The following ANKFN1 variants were observed in gnomAD, a reference collection of about 807,000 sequenced individuals.
ANKFN1 encodes the protein ankyrin repeat and fibronectin type-III domain-containing protein 1.
In ANKFN1, 74 loss-of-function variants were observed where a neutral mutation model predicts 108.7. The ratio of observed to expected loss-of-function variants is 0.68; its 90% CI spans 0.56 to 0.83. The LOEUF (loss-of-function observed/expected upper bound fraction) is 0.83. Ranked by LOEUF, ANKFN1 falls within the 40% of genes least tolerant of loss-of-function variation. The probability of loss-of-function intolerance (pLI) is 0.00; values close to 1 mark genes in which losing one functional copy is unlikely to be tolerated. For missense variants in ANKFN1, 1,505 were observed against 1,382.3 expected, an observed-to-expected ratio of 1.09 and a Z score of -1.41; for synonymous variants, 547 against 516.2, an observed-to-expected ratio of 1.06 and a Z score of -0.81.
chr17:56,152,804 T>G (rs1157179543), upstream of ANKFN1, among the ~76,000 whole-genome samples: 1 of 152,226 alleles, frequency 6.6e-6, no homozygotes, highest in African/African-American at 2.4e-5. Flanking sequence ...GCACATAATG[T>G]GCCTCCTTTG....
At chr17:56,168,860 G>A (rs1054041311) in intron 1 of ANKFN1, among the ~76,000 whole-genome samples, 1 of 152,222 alleles carries the variant, frequency 6.6e-6, no homozygotes, top group Non-Finnish European at 1.5e-5. Context: ...TGGAAAGGGA[G>A]GTTGAGGAGT....
chr17:56,379,267 C>T (rs1025526993), intron 8 of ANKFN1, among the ~76,000 whole-genome samples: 13 of 151,900 alleles, frequency 8.6e-5, no homozygotes, highest in South Asian at 2.1e-4. Flanking sequence ...GGCATGGTGG[C>T]GGGCGCCTGT....
chr17:56,303,851 A>ATTTTTTTTTTTTTT (rs34077118), intron 3 of ANKFN1, among the ~76,000 whole-genome samples: 1 of 131,940 alleles, frequency 7.6e-6, no homozygotes, highest in Non-Finnish European at 1.6e-5. Flanking sequence ...CGCTGAGCCA[A>ATTTTTTTTTTTTTT]TTTTTTTTTT....
intron 1 of ANKFN1, among the ~76,000 whole-genome samples, 116 bp from the exon 2 acceptor site, chr17:56,212,482 A>T (rs1270260597): frequency 1.3e-5 from 2 of 151,870 alleles, no homozygotes; most frequent in Non-Finnish European, 2.9e-5. Flanking sequence ...TTCAACAGGG[A>T]TATTGGTCTG....
intron 4 of ANKFN1, among the ~76,000 whole-genome samples, chr17:56,067,935 C>T (rs1001226607): frequency 4.6e-5 from 7 of 152,120 alleles, no homozygotes; most frequent in South Asian, 2.1e-4. Context: ...TGGAATTTCT[C>T]GTCACTTCCA....
intron 4 of ANKFN1, among the ~76,000 whole-genome samples, chr17:56,136,751 C>A (rs1396328828): frequency 5.3e-5 from 8 of 152,146 alleles, no homozygotes; most frequent in Non-Finnish European, 1.2e-4. Flanking sequence ...ATGCAACCTT[C>A]TAGATATTTC....
chr17:56,113,940 T>C (rs1182548216), intron 4 of ANKFN1, among the ~76,000 whole-genome samples: 1 of 152,160 alleles, frequency 6.6e-6, no homozygotes, highest in Non-Finnish European at 1.5e-5. Context: ...ATCTTCTAAT[T>C]GCAAACTAAT....
At chr17:56,472,566 T>C (rs1011871221) in intron 15 of ANKFN1, 33 of 152,182 alleles carry the variant, frequency 2.2e-4, no homozygotes, top group African/African-American at 7.7e-4. Flanking sequence ...AATGAATAAT[T>C]TTTTCAGTGT....
At chr17:56,276,287 C>T (rs905762240) in intron 3 of ANKFN1, among the ~76,000 whole-genome samples, 10 of 152,136 alleles carry the variant, frequency 6.6e-5, no homozygotes, top group Admixed American at 3.9e-4. Context: ...GGTTCCAAGT[C>T]TTTGCTATTG....
At chr17:56,398,515 C>T (rs2047654581) in intron 8 of ANKFN1, among the ~76,000 whole-genome samples, 1 of 152,120 alleles carries the variant, frequency 6.6e-6, no homozygotes, top group South Asian at 2.1e-4. Flanking sequence ...TCTCAGGTCT[C>T]CTTCTATAGC....
chr17:56,515,363 CTAAA>C lies in ANKFN1; in HGVS notation c.*4097_*4100del, dbSNP rs1193336535. The stretch of plus-strand genomic sequence containing the variant: ...CTGTTGCATGGTCACTTTACAAAGT[CTAAA>C]TATTTTTCCAGATGATTTAATGAAG... On this transcript the variant is annotated 3_prime_UTR_variant, in exon 21 of 21. Coordinates refer to ENST00000682825, the MANE Select transcript of ANKFN1 (RefSeq NM_001370326.1). Among the ~76,000 whole-genome samples the C allele has an allele frequency of 6.6e-6, 1 of 152,170 alleles. No individual in the cohort carries two copies. The highest frequency in any genetic ancestry group is 1.5e-5 in the Non-Finnish European group (1 of 68,030).
intron 3 of ANKFN1, among the ~76,000 whole-genome samples, chr17:56,322,213 T>G (rs2045391668): frequency 6.6e-6 from 1 of 152,248 alleles, no homozygotes; most frequent in Non-Finnish European, 1.5e-5. Flanking sequence ...AATGTCATCA[T>G]CATCCGCCAT....
At chr17:56,087,757 A>G (rs1905343014) in intron 4 of ANKFN1, among the ~76,000 whole-genome samples, 1 of 151,330 alleles carries the variant, frequency 6.6e-6, no homozygotes, top group Non-Finnish European at 1.5e-5. Flanking sequence ...ATAAAGTTTT[A>G]TTGGAACTTT....
chr17:56,195,634 G>A, intron 1 of ANKFN1, among the ~76,000 whole-genome samples: 1 of 152,258 alleles, frequency 6.6e-6, no homozygotes, highest in Non-Finnish European at 1.5e-5. Flanking sequence ...AAAGCAAAAA[G>A]AATAACTCTG....
At chr17:56,330,645 C>T (rs1032167409) in intron 4 of ANKFN1, among the ~76,000 whole-genome samples, 1 of 152,110 alleles carries the variant, frequency 6.6e-6, no homozygotes, top group South Asian at 2.1e-4. Flanking sequence ...AGTTTTAGCT[C>T]TGAAAGTACT....
At chr17:56,206,896 C>A (rs1914584035) in intron 1 of ANKFN1, 1 of 152,116 alleles carries the variant, frequency 6.6e-6, no homozygotes, top group Non-Finnish European at 1.5e-5. Flanking sequence ...CTATGCTATA[C>A]ATTTTAATGT....
At chr17:56,497,267 G>T (rs781202234) in intron 19 of ANKFN1, among the ~76,000 whole-genome samples, 1 of 152,116 alleles carries the variant, frequency 6.6e-6, no homozygotes, top group Non-Finnish European at 1.5e-5. Flanking sequence ...AAATGGCTTA[G>T]TGTCTCCTCA....
intron 6 of ANKFN1, among the ~76,000 whole-genome samples, chr17:56,369,404 T>C (rs1006557759): frequency 7.2e-5 from 11 of 152,152 alleles, no homozygotes; most frequent in Non-Finnish European, 1.3e-4. Flanking sequence ...AAATGATTTA[T>C]TAAATATGAT....
At chr17:56,104,301 T>A (rs902697430) in intron 4 of ANKFN1, among the ~76,000 whole-genome samples, 9 of 152,246 alleles carry the variant, frequency 5.9e-5, no homozygotes, top group African/African-American at 2.2e-4. Context: ...GTCTATTTCA[T>A]TTTTTAAATA....
Sources: gnomAD v4.1 joint callset for allele counts (sites outside exome capture counted in the v4.1 genomes callset) on GRCh38, gnomAD v4.1.1 for gene constraint, MANE v1.5 for transcripts, NCBI Gene and HGNC (gene_info 2026-07-23, HGNC 2026-07-21) for gene names.